Variants in ITPR2 observed in about 807,000 individuals in gnomAD.
ITPR2 encodes inositol 1,4,5-trisphosphate-gated calcium channel ITPR2.
ITPR2 carries 207 observed loss-of-function variants against 317.1 expected under a neutral mutation model. The observed-to-expected ratio is 0.65, with a 90% CI of 0.58 to 0.73. The LOEUF (loss-of-function observed/expected upper bound fraction) is 0.73, where lower values mean the gene tolerates loss of function less well. ITPR2 is among the 30% of genes least tolerant of loss of function. The pLI is 0.00. For missense variants in ITPR2, 2,613 were observed against 3,284.0 expected, an observed-to-expected ratio of 0.80 and a Z score of 4.99; for synonymous variants, 1,156 against 1,149.1, an observed-to-expected ratio of 1.01 and a Z score of -0.12.
intron 31 of ITPR2, among the ~76,000 whole-genome samples, chr12:26,596,110 AT>A (rs1349358594): frequency 6.6e-6 from 1 of 152,208 alleles, no homozygotes; most frequent in Non-Finnish European, 1.5e-5. Context: ...GTGTGTGCAT[AT>A]TTTCAAGAAT....
intron 34 of ITPR2, among the ~76,000 whole-genome samples, chr12:26,576,019 A>C (rs1945267680): frequency 6.6e-6 from 1 of 152,220 alleles, no homozygotes; most frequent in Non-Finnish European, 1.5e-5. Flanking sequence ...AGAAGGAAAA[A>C]GAGAAGAGAC....
chr12:26,612,039 G>C (rs1946280398), intron 26 of ITPR2, among the ~76,000 whole-genome samples: 1 of 152,146 alleles, frequency 6.6e-6, no homozygotes, highest in African/African-American at 2.4e-5. Flanking sequence ...GACGCAATGG[G>C]CTTAATAGAC....
intron 9 of ITPR2, among the ~76,000 whole-genome samples, chr12:26,709,587 A>C (rs1174654658): frequency 2.0e-5 from 3 of 152,236 alleles, no homozygotes; most frequent in Non-Finnish European, 4.4e-5. Context: ...TACATGTTTT[A>C]ATTATAGAAA....
chr12:26,742,371 A>C (rs1280408308), intron 2 of ITPR2, among the ~76,000 whole-genome samples: 1 of 152,264 alleles, frequency 6.6e-6, no homozygotes, highest in African/African-American at 2.4e-5. Flanking sequence ...AGTATGACGG[A>C]AAACCTGTCC....
intron 45 of ITPR2, among the ~76,000 whole-genome samples, chr12:26,446,594 A>C (rs1941613584): frequency 1.3e-5 from 2 of 152,178 alleles, no homozygotes; most frequent in Admixed American, 6.6e-5. Context: ...AAACCTATAC[A>C]AATCATTTTC....
chr12:26,711,851 C>T (rs1948647466), intron 8 of ITPR2, among the ~76,000 whole-genome samples: 1 of 152,184 alleles, frequency 6.6e-6, no homozygotes, highest in South Asian at 2.1e-4. Context: ...AGAAAGACAG[C>T]CACGTAGATT....
At chr12:26,754,221 T>C (rs985575998) in intron 2 of ITPR2, among the ~76,000 whole-genome samples, 2 of 152,232 alleles carry the variant, frequency 1.3e-5, no homozygotes, top group Admixed American at 6.5e-5. Flanking sequence ...TTAGTCTAAA[T>C]TATGCTGGTC....
intron 2 of ITPR2, among the ~76,000 whole-genome samples, chr12:26,754,907 T>C (rs1244529738): frequency 6.6e-6 from 1 of 152,242 alleles, no homozygotes; most frequent in Non-Finnish European, 1.5e-5. Context: ...TAAGATTGAA[T>C]ACATTTGTCT....
chr12:26,343,171 T>C (rs945466193), intron 55 of ITPR2, among the ~76,000 whole-genome samples: 2 of 152,194 alleles, frequency 1.3e-5, no homozygotes, highest in Non-Finnish European at 2.9e-5. Context: ...CAGTCCCAGG[T>C]ATTCCTTCAC....
intron 2 of ITPR2, among the ~76,000 whole-genome samples, chr12:26,788,699 G>A (rs112020311): frequency 0.015 from 2,342 of 152,058 alleles, 62 homozygotes; most frequent in African/African-American, 0.054. Context: ...TAGACACTGC[G>A]GGACCTTCTC....
At chr12:26,398,780 AT>A in intron 54 of ITPR2, 95 bp downstream of exon 54, 1 of 1,015,994 alleles carries the variant, frequency 9.8e-7, no homozygotes, top group Non-Finnish European at 1.4e-6. Flanking sequence ...TTTTGAAATA[AT>A]TTTTCCGAAA....
chr12:26,398,249 C>T (rs1940067555), intron 54 of ITPR2, among the ~76,000 whole-genome samples: 1 of 152,078 alleles, frequency 6.6e-6, no homozygotes, highest in Non-Finnish European at 1.5e-5. Context: ...ATGGCAAAAC[C>T]CCGGCTCTAC....
intron 9 of ITPR2, among the ~76,000 whole-genome samples, chr12:26,703,749 G>A (rs544950391): frequency 6.6e-6 from 1 of 152,252 alleles, no homozygotes; most frequent in East Asian, 1.9e-4. Flanking sequence ...TATAACAACA[G>A]TCATAGTCCC....
At position 26,622,359 on chromosome 12, in the gene ITPR2, A is replaced by C; in HGVS notation, c.3169T>G (p.Phe1057Val). 6.2e-7 allele frequency: 1 copy of C among 1,612,790 alleles called. No individual in the cohort carries two copies. The highest frequency in any genetic ancestry group is 1.1e-5 in the South Asian group (1 of 90,722). The change falls in exon 25 of 57, where the codon TTT (phenylalanine) becomes GTT (valine). Residue 1057 changes from phenylalanine to valine, a missense_variant. This residue lies in a region of ITPR2 where 817 missense variants were observed against 897.6 expected (regional missense o/e 0.91). Transcript: ENST00000381340. ...ATCAGATGAATGAGGACCCGTAAAA[A>C]CGTCCTGCCTCCTTCATCGTCAAGT... Reference protein sequence around the residue: ...VQLDDEGGRTFLRVLIHLIMH... With the variant: ...VQLDDEGGRTVLRVLIHLIMH...
intron 1 of ITPR2, among the ~76,000 whole-genome samples, chr12:26,829,828 T>C (rs978088644): frequency 6.6e-6 from 1 of 152,248 alleles, no homozygotes; most frequent in African/African-American, 2.4e-5. Context: ...TCTGAAACTC[T>C]GAGCAGTCTA....
chr12:26,488,071 G>A (rs1458337492), intron 39 of ITPR2, among the ~76,000 whole-genome samples: 1 of 152,148 alleles, frequency 6.6e-6, no homozygotes, highest in Non-Finnish European at 1.5e-5. Flanking sequence ...AAGTGTCCAG[G>A]AGAAGCAGTA....
chr12:26,781,027 G>A (rs1429381092), intron 2 of ITPR2, among the ~76,000 whole-genome samples: 1 of 152,236 alleles, frequency 6.6e-6, no homozygotes. Flanking sequence ...CACAATGGAA[G>A]TAAGTAAGAG....
At chr12:26,399,698 T>C (rs954740993) in intron 53 of ITPR2, among the ~76,000 whole-genome samples, 14 of 152,222 alleles carry the variant, frequency 9.2e-5, no homozygotes, top group African/African-American at 3.4e-4. Flanking sequence ...CATTTTAATA[T>C]ATGAAATCCT....
In ITPR2 at chr12:26,487,120, G is replaced by A; in HGVS notation, c.5502C>T (p.Asn1834=). ...ATTCATTGTCATCGTCCCTTTTTTTGTTACCTAAATCTATGGTATTAACTG... is the reference window on the plus strand; with the variant it reads ...ATTCATTGTCATCGTCCCTTTTTTTATTACCTAAATCTATGGTATTAACTG... ...TVTVNTIDLG[N]KKRDDDNELM... is the part of the protein sequence containing the mutation. Residue 1834 remains asparagine, a synonymous_variant, in exon 40 of 57, where the codon AAC becomes AAT. Transcript: ENST00000381340. The A allele has an allele frequency of 6.2e-7, 1 of 1,610,776 alleles. No individual in the cohort carries two copies. The highest frequency in any genetic ancestry group is 8.5e-7 in the Non-Finnish European group (1 of 1,178,982).
Sources: gnomAD v4.1 joint callset for allele counts (sites outside exome capture counted in the v4.1 genomes callset) on GRCh38, gnomAD v4.1.1 for gene constraint, gnomAD v4.1.1 regional missense constraint, MANE v1.5 for transcripts, NCBI Gene and HGNC (gene_info 2026-07-23, HGNC 2026-07-21) for gene names.